ZNF25: variants seen among roughly 807,000 people sequenced by gnomAD.
ZNF25 encodes the protein zinc finger protein 25.
In ZNF25, 21 loss-of-function variants were observed where a neutral mutation model predicts 30.9. The ratio of observed to expected loss-of-function variants is 0.68; its 90% confidence interval spans 0.48 to 0.98. The LOEUF (loss-of-function observed/expected upper bound fraction) is 0.98, where lower values mean the gene tolerates loss of function less well. Ranked by LOEUF, ZNF25 falls within the 50% of genes least tolerant of loss-of-function variation. ZNF25 has a pLI of 0.00. For missense variants in ZNF25, 501 were observed against 529.9 expected (o/e 0.95, Z 0.54); for synonymous variants, 169 against 181.3 (o/e 0.93, Z 0.55).
intron 2 of ZNF25, among the ~76,000 whole-genome samples, chr10:37,970,887 T>A (rs78752853): frequency 0.06 from 9,120 of 152,298 alleles, 353 homozygotes; most frequent in Middle Eastern, 0.095. Context: ...GGTAGCATTG[T>A]CCTAATCAAC....
intron 1 of ZNF25, among the ~76,000 whole-genome samples, chr10:37,976,232 C>G (rs972741178): frequency 6.6e-6 from 1 of 152,238 alleles, no homozygotes; most frequent in Admixed American, 6.5e-5. Context: ...TCTGCAGCGG[C>G]CAGCGCGCCT....
intron 2 of ZNF25, among the ~76,000 whole-genome samples, chr10:37,958,739 A>G (rs2062679346): frequency 6.6e-6 from 1 of 151,786 alleles, no homozygotes. Context: ...GAGACACAGT[A>G]AGACTCTATC....
chr10:37,970,708 C>T (rs1018911781), intron 2 of ZNF25, among the ~76,000 whole-genome samples: 4 of 152,132 alleles, frequency 2.6e-5, no homozygotes, highest in Non-Finnish European at 4.4e-5. Context: ...TACCTCTTAC[C>T]ATTCTTTCCC....
intron 2 of ZNF25, among the ~76,000 whole-genome samples, chr10:37,968,532 T>C (rs896546684): frequency 6.6e-6 from 1 of 152,060 alleles, no homozygotes; most frequent in Non-Finnish European, 1.5e-5. Flanking sequence ...ATTTTTGTAT[T>C]TTTAGTAGAG....
intron 2 of ZNF25, among the ~76,000 whole-genome samples, chr10:37,968,214 T>C (rs961441952): frequency 6.7e-6 from 1 of 149,910 alleles, no homozygotes; most frequent in Non-Finnish European, 1.5e-5. Flanking sequence ...CATGCCATCA[T>C]GCCTAACTGA....
intron 2 of ZNF25, among the ~76,000 whole-genome samples, chr10:37,966,698 C>G (rs904593356): frequency 2.0e-5 from 3 of 152,166 alleles, no homozygotes; most frequent in African/African-American, 7.2e-5. Flanking sequence ...ATCTAATCAC[C>G]TCCCACCAGG....
intron 1 of ZNF25, among the ~76,000 whole-genome samples, chr10:37,972,180 T>C (rs2063529685): frequency 6.6e-6 from 1 of 152,214 alleles, no homozygotes. Flanking sequence ...TTACATATCA[T>C]AACCATTTTT....
chr10:37,968,792 C>T (rs755815648), intron 2 of ZNF25, among the ~76,000 whole-genome samples: 12 of 152,212 alleles, frequency 7.9e-5, no homozygotes, highest in Non-Finnish European at 1.5e-4. Flanking sequence ...TTATTTTCAA[C>T]CTAACATAGA....
intron 4 of ZNF25, among the ~76,000 whole-genome samples, chr10:37,956,077 T>C (rs1412446287): frequency 6.6e-6 from 1 of 152,224 alleles, no homozygotes; most frequent in Non-Finnish European, 1.5e-5. Context: ...AACACATCTG[T>C]GCACAAGTTA....
chr10:37,971,614 T>A, intron 2 of ZNF25, 94 bp downstream of exon 2: 1 of 1,567,790 alleles, frequency 6.4e-7, no homozygotes, highest in Non-Finnish European at 8.7e-7. Context: ...TGGGCTCTCG[T>A]TCATAAAACT....
At chr10:37,960,732 A>G (rs1456553249) in intron 2 of ZNF25, among the ~76,000 whole-genome samples, 2 of 152,036 alleles carry the variant, frequency 1.3e-5, no homozygotes, top group Non-Finnish European at 2.9e-5. Flanking sequence ...CTCTAAACAT[A>G]AGAGTAAGCC....
intron 1 of ZNF25, among the ~76,000 whole-genome samples, chr10:37,975,690 G>A (rs918020881): frequency 6.6e-6 from 1 of 152,206 alleles, no homozygotes; most frequent in Non-Finnish European, 1.5e-5. Context: ...AAGGTTGGAG[G>A]ATGCAGGAAG....
At chr10:37,967,797 C>T (rs2063271185) in intron 2 of ZNF25, 1 of 152,194 alleles carries the variant, frequency 6.6e-6, no homozygotes, top group African/African-American at 2.4e-5. Flanking sequence ...TCAATACCCA[C>T]ATGCGTGAGT....
rs1735590 is a variant in ZNF25 at position 37,957,468 on chromosome 10, G to A, written c.94C>T (p.Leu32=). ...WKLLTPAQRT[L]YKDVMLENYS... is the part of the protein sequence containing the mutation. ...TTTTCCAGCATCACATCCTTATACA[G>A]AGTCCTCTGAGCAGGGGTCAGTAAC... is the stretch of plus-strand genomic sequence containing the variant. The change falls in exon 3 of 6, where the codon CTG becomes TTG. Residue 32 remains leucine, a synonymous_variant. Transcript: ENST00000302609. 1.2e-6 allele frequency: 2 copies of A among 1,613,874 alleles called. No homozygotes were observed. Among genetic ancestry groups the A allele is most frequent in the Non-Finnish European group, 1.7e-6 (2 of 1,179,906 alleles).
intron 4 of ZNF25, 50 bp from the exon 5 acceptor site, chr10:37,953,808 T>C (rs746055889): frequency 1.5e-5 from 22 of 1,491,612 alleles, no homozygotes; most frequent in Admixed American, 3.4e-5. Context: ...CACATTAATA[T>C]TGTCATAGCA....
In ZNF25 at chr10:37,974,075, C is replaced by T. The variant is rs187762356; in HGVS notation, c.-85-2268G>A. Among the ~76,000 whole-genome samples, 600 of 152,172 alleles carry T rather than the reference C, an allele frequency of 3.9e-3. 7 individuals carry two copies. The highest frequency in any genetic ancestry group is 0.014 in the African/African-American group (571 of 41,532). On this transcript the variant is annotated intron_variant, in intron 1 of 5. Transcript: ENST00000302609. ...GTGCTGAGAAAACTGGATATCCATA[C>T]GCAGAAGAATGAAACTAAACCCCTG...
chr10:37,960,579 A>T (rs1035303631), intron 2 of ZNF25, among the ~76,000 whole-genome samples: 1 of 142,442 alleles, frequency 7.0e-6, no homozygotes, highest in East Asian at 2.2e-4. Context: ...AGCTGAGATC[A>T]CACCACTGCA....
chr10:37,958,195 G>A (rs1024814769), intron 2 of ZNF25, among the ~76,000 whole-genome samples: 79 of 152,172 alleles, frequency 5.2e-4, no homozygotes, highest in Non-Finnish European at 2.1e-4. Flanking sequence ...TGTGAAGCAG[G>A]TGCCATTACA....
At chr10:37,967,801 C>T (rs889320544) in intron 2 of ZNF25, 2 of 152,126 alleles carry the variant, frequency 1.3e-5, no homozygotes, top group African/African-American at 2.4e-5. Context: ...TACCCACATG[C>T]GTGAGTTAAA....
Sources: allele counts gnomAD v4.1 joint callset (sites outside exome capture counted in the v4.1 genomes callset), GRCh38; gene constraint gnomAD v4.1.1; transcripts MANE v1.5; gene names NCBI Gene and HGNC (gene_info 2026-07-23, HGNC 2026-07-21).